GALNT13: variants seen among roughly 807,000 people sequenced by gnomAD.
The protein encoded by GALNT13 is polypeptide N-acetylgalactosaminyltransferase 13.
In GALNT13, 28 loss-of-function variants were observed where a neutral mutation model predicts 64.2. The ratio of observed to expected loss-of-function variants is 0.44; its 90% CI spans 0.32 to 0.60. The LOEUF is 0.60. Ranked by LOEUF, GALNT13 falls within the 20% of genes least tolerant of loss-of-function variation. The pLI is 0.05. For synonymous variants in GALNT13, 214 were observed against 224.6 expected, an observed-to-expected ratio of 0.95 and a Z score of 0.42; for missense variants, 577 against 669.8, an observed-to-expected ratio of 0.86 and a Z score of 1.53.
the GALNT13 span, among the ~76,000 whole-genome samples, chr2:153,637,408 C>T: frequency 3.3e-5 from 5 of 152,118 alleles, no homozygotes; most frequent in South Asian, 1.0e-3. Flanking sequence ...CTTCCTTTTC[C>T]TGCCTTTTTT....
At chr2:153,624,438 T>A in the GALNT13 span, among the ~76,000 whole-genome samples, 1 of 152,236 alleles carries the variant, frequency 6.6e-6, no homozygotes, top group Admixed American at 6.5e-5. Flanking sequence ...ATGTGACATA[T>A]GTCACATCCA....
At position 154,280,642 on chromosome 2, in the gene GALNT13, T is replaced by G. The variant is rs1422797488; in HGVS notation, c.976-20767T>G. Among the ~76,000 whole-genome samples the G allele has an allele frequency of 2.0e-5, 3 of 152,196 alleles. No homozygotes were observed. In the East Asian group the frequency reaches 5.8e-4, roughly 29 times the overall value. On this transcript the variant is annotated intron_variant, in intron 8 of 12. Coordinates refer to ENST00000392825, the MANE Select transcript of GALNT13 (RefSeq NM_052917.4). ...CTTTTCCACTCAAGTTCTTTTTATG[T>G]ATTGCTGGCATCTGTGAAAGAGCAA...
chr2:154,267,944 C>T (rs961378004), intron 8 of GALNT13, among the ~76,000 whole-genome samples: 1 of 152,088 alleles, frequency 6.6e-6, no homozygotes, highest in Non-Finnish European at 1.5e-5. Flanking sequence ...TTACACTATG[C>T]ATTTATTAGA....
chr2:154,009,709 C>T (rs996881929), intron 3 of GALNT13, among the ~76,000 whole-genome samples: 4 of 152,112 alleles, frequency 2.6e-5, no homozygotes, highest in East Asian at 1.9e-4. Flanking sequence ...AGGCTGGTCT[C>T]GAACTCCTGA....
chr2:153,635,235 A>T, the GALNT13 span, among the ~76,000 whole-genome samples: 1 of 151,890 alleles, frequency 6.6e-6, no homozygotes, highest in Non-Finnish European at 1.5e-5. Flanking sequence ...TTTCTGAGAA[A>T]TTTTGCCATC....
In GALNT13 at chr2:154,288,264, A is replaced by C. The variant is rs564337686; in HGVS notation, c.976-13145A>C. On this transcript the variant is annotated intron_variant, in intron 8 of 12. Coordinates refer to ENST00000392825, the MANE Select transcript of GALNT13 (RefSeq NM_052917.4). ...TGGGGGTAACCACCCCCATGATTCA[A>C]GTACCTCCCACCAGATTCCTCCCAC... 2.1e-4 allele frequency among the ~76,000 whole-genome samples: 32 copies of C among 152,214 alleles called. No individual in the cohort carries two copies. The South Asian group carries it at 6.2e-3, about 30-fold the overall frequency.
At chr2:153,653,202 G>C in the GALNT13 span, among the ~76,000 whole-genome samples, 1 of 151,820 alleles carries the variant, frequency 6.6e-6, no homozygotes, top group African/African-American at 2.4e-5. Context: ...GTTTGTTAGG[G>C]ATCAACACAT....
At chr2:154,049,043 A>T (rs568999592) in intron 3 of GALNT13, among the ~76,000 whole-genome samples, 22 of 152,130 alleles carry the variant, frequency 1.4e-4, no homozygotes, top group South Asian at 6.2e-4. Flanking sequence ...AGAATTTTTT[A>T]AAAAAATAAG....
the GALNT13 span, among the ~76,000 whole-genome samples, chr2:153,174,233 T>G: frequency 1.1e-4 from 17 of 152,370 alleles, no homozygotes; most frequent in Admixed American, 3.9e-4. Flanking sequence ...CTTCCCGTTT[T>G]CTGAAATATA....
At chr2:153,866,695 A>G in the GALNT13 span, among the ~76,000 whole-genome samples, 1 of 152,196 alleles carries the variant, frequency 6.6e-6, no homozygotes, top group East Asian at 1.9e-4. Flanking sequence ...CAAATAAAAC[A>G]AATAAAACTT....
At chr2:153,769,512 T>C in the GALNT13 span, among the ~76,000 whole-genome samples, 1 of 152,182 alleles carries the variant, frequency 6.6e-6, no homozygotes, top group Non-Finnish European at 1.5e-5. Flanking sequence ...TCTTAGCATT[T>C]TTTCCTTCCT....
At chr2:153,936,870 G>A (rs182062516) in intron 2 of GALNT13, among the ~76,000 whole-genome samples, 28 of 152,088 alleles carry the variant, frequency 1.8e-4, no homozygotes, top group Middle Eastern at 3.4e-3. Context: ...ACAGGCGTGT[G>A]CCACCATGCC....
chr2:153,483,042 G>T, the GALNT13 span, among the ~76,000 whole-genome samples: 1 of 152,154 alleles, frequency 6.6e-6, no homozygotes, highest in Non-Finnish European at 1.5e-5. Flanking sequence ...ATTTTAGAAA[G>T]ATTTCCATAT....
chr2:153,468,149 C>T, the GALNT13 span, among the ~76,000 whole-genome samples: 2,279 of 151,846 alleles, frequency 0.015, 51 homozygotes, highest in African/African-American at 0.052. Flanking sequence ...TCAGCGTCTA[C>T]GCACTCTTTC....
At chr2:153,347,167 T>C in the GALNT13 span, among the ~76,000 whole-genome samples, 3 of 152,228 alleles carry the variant, frequency 2.0e-5, no homozygotes, top group East Asian at 3.9e-4. Context: ...GCTTATTGCA[T>C]TGGGCATAAA....
the GALNT13 span, among the ~76,000 whole-genome samples, chr2:153,437,282 C>T: frequency 8.6e-5 from 13 of 152,044 alleles, no homozygotes; most frequent in South Asian, 2.7e-3. Flanking sequence ...TGGTGTGGTG[C>T]TGAAAAAAAT....
intron 3 of GALNT13, among the ~76,000 whole-genome samples, chr2:154,061,005 T>A (rs1700151158): frequency 7.1e-6 from 1 of 141,672 alleles, no homozygotes; most frequent in Non-Finnish European, 1.5e-5. Context: ...GCATTATGAG[T>A]CAACACCCCT....
At chr2:153,861,559 CTTTTTT>C in the GALNT13 span, among the ~76,000 whole-genome samples, 21 of 118,190 alleles carry the variant, frequency 1.8e-4, no homozygotes, top group Middle Eastern at 8.3e-3. Flanking sequence ...TTCTTTCTTT[CTTTTTT>C]TTTTTTTTTT....
intron 4 of GALNT13, among the ~76,000 whole-genome samples, chr2:154,225,595 G>A (rs1688575310): frequency 6.6e-6 from 1 of 152,056 alleles, no homozygotes; most frequent in Non-Finnish European, 1.5e-5. Flanking sequence ...AGGTACAGGA[G>A]AAAAACTTCT....
Sources: gnomAD v4.1 joint callset for allele counts (sites outside exome capture counted in the v4.1 genomes callset) on GRCh38, gnomAD v4.1.1 for gene constraint, MANE v1.5 for transcripts, NCBI Gene and HGNC (gene_info 2026-07-23, HGNC 2026-07-21) for gene names.